Variants in ACCSL observed in about 807,000 individuals in gnomAD.
ACCSL encodes the protein probable inactive 1-aminocyclopropane-1-carboxylate synthase-like protein 2.
In ACCSL, 55 loss-of-function variants were observed where a neutral mutation model predicts 61.7. That is an observed-to-expected ratio of 0.89 (90% CI 0.72 to 1.12). ACCSL has a LOEUF of 1.12. ACCSL is among the 50% of genes most tolerant of loss of function. The probability of loss-of-function intolerance (pLI) is 0.00; values close to 1 mark genes in which losing one functional copy is unlikely to be tolerated. For missense variants in ACCSL, 632 were observed against 698.0 expected (o/e 0.91, Z 1.07); for synonymous variants, 258 against 264.3 (o/e 0.98, Z 0.23).
At chr11:44,015,395 A>G in the ACCSL span, among the ~76,000 whole-genome samples, 3 of 152,294 alleles carry the variant, frequency 2.0e-5, no homozygotes, top group Admixed American at 6.5e-5. Flanking sequence ...TGCCTCTGAC[A>G]TTGCATTGCC....
the ACCSL span, among the ~76,000 whole-genome samples, chr11:43,973,446 C>G: frequency 6.6e-6 from 1 of 151,422 alleles, no homozygotes; most frequent in Admixed American, 6.6e-5. Context: ...ATCTATCTAT[C>G]TATCTATCTA....
chr11:44,037,241 C>T, the ACCSL span, among the ~76,000 whole-genome samples: 2 of 152,286 alleles, frequency 1.3e-5, no homozygotes, highest in Admixed American at 6.5e-5. Flanking sequence ...TCGTATTTGC[C>T]AATTCTGGAT....
chr11:44,049,788 C>T, intron 1 of ACCSL, among the ~76,000 whole-genome samples: 1 of 152,218 alleles, frequency 6.6e-6, no homozygotes, highest in East Asian at 1.9e-4. Flanking sequence ...GGAATTAAGA[C>T]AACTCACAAG....
chr11:44,044,595 G>A (rs1952588849), upstream of ACCSL, among the ~76,000 whole-genome samples: 1 of 152,118 alleles, frequency 6.6e-6, no homozygotes. Context: ...TCTGAATTAG[G>A]TGAGAGTACT....
rs1470813721 is a variant in ACCSL, at chr11:44,051,669, G to T, written c.722G>T (p.Gly241Val). ...LDPENVVVLN[G>V]CCSVFCALAM... The stretch of plus-strand genomic sequence containing the variant: ...TGTCTTCAGGTGGTGGTTCTAAATG[G>T]CTGCTGCTCTGTCTTCTGTGCCCTG... Residue 241 changes from glycine (G) to valine (V), a missense_variant, in exon 5 of 14, where the codon GGC (glycine) becomes GTC (valine). Coordinates refer to ENST00000378832, the MANE Select transcript of ACCSL (RefSeq NM_001031854.2). 6.2e-7 allele frequency: 1 copy of T among 1,614,144 alleles called. No individual in the cohort carries two copies. The highest frequency in any genetic ancestry group is 1.3e-5 in the African/African-American group (1 of 75,038).
At chr11:44,008,700 G>A in the ACCSL span, among the ~76,000 whole-genome samples, 1 of 152,196 alleles carries the variant, frequency 6.6e-6, no homozygotes. Context: ...GATAACACCT[G>A]TCTCATAGAT....
chr11:44,059,321 G>A (rs1952692511), intron 13 of ACCSL, among the ~76,000 whole-genome samples: 1 of 152,210 alleles, frequency 6.6e-6, no homozygotes, highest in Non-Finnish European at 1.5e-5. Flanking sequence ...AAGTGAGATG[G>A]ATAGGCAGAT....
chr11:44,009,647 C>T, the ACCSL span, among the ~76,000 whole-genome samples: 1 of 152,044 alleles, frequency 6.6e-6, no homozygotes, highest in Non-Finnish European at 1.5e-5. Context: ...CACCTGTGGT[C>T]CCAGCTACTT....
chr11:44,016,391 G>C, the ACCSL span, among the ~76,000 whole-genome samples: 1 of 152,140 alleles, frequency 6.6e-6, no homozygotes, highest in East Asian at 1.9e-4. Context: ...TTCTGTCCTA[G>C]CTGAGCTGGG....
the ACCSL span, among the ~76,000 whole-genome samples, chr11:44,021,654 G>A: frequency 1.3e-5 from 2 of 152,032 alleles, no homozygotes; most frequent in African/African-American, 4.8e-5. Context: ...TGTTTTTGTT[G>A]CATTTACTTT....
the ACCSL span, among the ~76,000 whole-genome samples, chr11:44,027,328 T>A: frequency 2.0e-5 from 3 of 152,222 alleles, no homozygotes; most frequent in African/African-American, 7.2e-5. Flanking sequence ...TGAACATGCA[T>A]GTGGACTTCT....
chr11:43,932,354 G>A, the ACCSL span, among the ~76,000 whole-genome samples: 4 of 152,140 alleles, frequency 2.6e-5, no homozygotes, highest in South Asian at 8.3e-4. Context: ...TGCACCCTCC[G>A]CCTCCCGGGT....
the ACCSL span, chr11:43,942,837 C>T: frequency 8.8e-7 from 1 of 1,138,544 alleles, no homozygotes. Flanking sequence ...CGGGGGGCCC[C>T]GGCGCAGCGG....
intron 8 of ACCSL, 146 bp from the exon 9 acceptor site, chr11:44,055,056 T>C: frequency 3.5e-6 from 2 of 567,076 alleles, no homozygotes; most frequent in Middle Eastern, 9.7e-4. Flanking sequence ...GATGGGCTGC[T>C]GGGGCAGTAG....
At chr11:43,942,869 G>A in the ACCSL span, 4 of 1,255,190 alleles carry the variant, frequency 3.2e-6, no homozygotes, top group African/African-American at 1.6e-5. Flanking sequence ...GAGCCCCGGC[G>A]CCCCGCCGCC....
intron 3 of ACCSL, 47 bp from the exon 4 acceptor site, chr11:44,051,288 A>T: frequency 6.3e-7 from 1 of 1,599,892 alleles, no homozygotes; most frequent in South Asian, 1.1e-5. Flanking sequence ...ACCATGAGTG[A>T]GGAAAGGGGC....
the ACCSL span, among the ~76,000 whole-genome samples, chr11:43,983,848 GCTCACACCTATAAT>G: frequency 6.6e-6 from 1 of 152,100 alleles, no homozygotes; most frequent in East Asian, 1.9e-4. Context: ...GGGCGCTGTG[GCTCACACCTATAAT>G]CTCAGGACTT....
the ACCSL span, among the ~76,000 whole-genome samples, chr11:44,010,133 G>T: frequency 6.6e-6 from 1 of 152,198 alleles, no homozygotes; most frequent in Non-Finnish European, 1.5e-5. Flanking sequence ...CTGAGGTCAG[G>T]AGTTTGAGAC....
chr11:43,955,402 C>T, the ACCSL span, among the ~76,000 whole-genome samples: 518 of 152,294 alleles, frequency 3.4e-3, 2 homozygotes, highest in African/African-American at 0.012. Context: ...TGTTACCACC[C>T]AGTGGGATCT....
Sources: allele counts gnomAD v4.1 joint callset (sites outside exome capture counted in the v4.1 genomes callset), GRCh38; gene constraint gnomAD v4.1.1; transcripts MANE v1.5; gene names NCBI Gene and HGNC (gene_info 2026-07-23, HGNC 2026-07-21).